PBX1: variants seen among roughly 807,000 people sequenced by gnomAD.
The protein encoded by PBX1 is PBX homeobox 1, also known as pre-B-cell leukemia transcription factor 1.
In PBX1, 6 loss-of-function variants were observed where a neutral mutation model predicts 53.4. The ratio of observed to expected loss-of-function variants is 0.11; its 90% CI spans 0.06 to 0.22. The LOEUF is 0.22. Ranked by LOEUF, PBX1 falls within the 10% of genes least tolerant of loss-of-function variation. The pLI is 1.00. For missense variants in PBX1, 251 were observed against 551.4 expected (o/e 0.46, Z 5.46); for synonymous variants, 204 against 212.3 (o/e 0.96, Z 0.34).
chr1:164,590,632 C>T (rs890871633), intron 2 of PBX1, among the ~76,000 whole-genome samples: 4 of 152,112 alleles, frequency 2.6e-5, no homozygotes, highest in South Asian at 2.1e-4. Context: ...ATATGACTCC[C>T]AAAAGTGTAT....
At chr1:164,579,424 C>G (rs1220571244) in intron 2 of PBX1, among the ~76,000 whole-genome samples, 1 of 152,108 alleles carries the variant, frequency 6.6e-6, no homozygotes, top group African/African-American at 2.4e-5. Flanking sequence ...ATTAGACCAC[C>G]TGTCTCCTTA....
intron 2 of PBX1, among the ~76,000 whole-genome samples, chr1:164,646,972 G>T (rs904899270): frequency 6.6e-6 from 1 of 152,240 alleles, no homozygotes; most frequent in South Asian, 2.1e-4. Flanking sequence ...CCTCGGAAGA[G>T]TGTGGAGATG....
At chr1:164,823,618 G>A (rs552432411) in intron 8 of PBX1, among the ~76,000 whole-genome samples, 3 of 82,490 alleles carry the variant, frequency 3.6e-5, no homozygotes, top group African/African-American at 1.8e-4. Flanking sequence ...TCTGGGGGGT[G>A]GGGGGGGGGG....
chr1:164,744,301 C>T (rs1392927149), intron 2 of PBX1, among the ~76,000 whole-genome samples: 1 of 152,150 alleles, frequency 6.6e-6, no homozygotes, highest in Non-Finnish European at 1.5e-5. Context: ...CTTCTCTGTT[C>T]CATAGTTCCT....
chr1:164,799,253 G>A (rs1032505983), intron 3 of PBX1, among the ~76,000 whole-genome samples: 2 of 152,208 alleles, frequency 1.3e-5, no homozygotes, highest in African/African-American at 4.8e-5. Flanking sequence ...CACTTTGGGA[G>A]GCCGAGGCGG....
intron 2 of PBX1, among the ~76,000 whole-genome samples, chr1:164,651,476 G>C (rs548452054): frequency 6.6e-6 from 1 of 152,166 alleles, no homozygotes; most frequent in Non-Finnish European, 1.5e-5. Flanking sequence ...CTGCAGTGTT[G>C]AGCCTAATGA....
intron 2 of PBX1, among the ~76,000 whole-genome samples, chr1:164,670,194 G>T (rs981604781): frequency 6.6e-6 from 1 of 152,202 alleles, no homozygotes. Context: ...CCCTCAGGGA[G>T]GTCCAGGGGA....
intron 2 of PBX1, chr1:164,605,074 C>T (rs556921029): frequency 6.6e-6 from 1 of 152,100 alleles, no homozygotes; most frequent in Non-Finnish European, 1.5e-5. Flanking sequence ...AGAAATAGGC[C>T]TAGTCCAGGG....
At chr1:164,768,583 G>C (rs1667194841) in intron 2 of PBX1, among the ~76,000 whole-genome samples, 1 of 152,230 alleles carries the variant, frequency 6.6e-6, no homozygotes, top group Non-Finnish European at 1.5e-5. Flanking sequence ...GAAACCCAGT[G>C]GTTCCCGATA....
At chr1:164,690,298 T>C (rs1662390526) in intron 2 of PBX1, among the ~76,000 whole-genome samples, 1 of 151,612 alleles carries the variant, frequency 6.6e-6, no homozygotes, top group Non-Finnish European at 1.5e-5. Context: ...TGTGAAAGGG[T>C]TGGTGGGGAA....
chr1:164,711,559 G>A (rs1295336746), intron 2 of PBX1, among the ~76,000 whole-genome samples: 3 of 152,174 alleles, frequency 2.0e-5, no homozygotes, highest in Non-Finnish European at 2.9e-5. Context: ...CACTGCGCCC[G>A]GCTAGTTTTC....
At chr1:164,722,680 T>G (rs550350522) in intron 2 of PBX1, among the ~76,000 whole-genome samples, 1 of 152,304 alleles carries the variant, frequency 6.6e-6, no homozygotes, top group African/African-American at 2.4e-5. Flanking sequence ...TTTTCTTTGT[T>G]TTGGTCATTT....
At chr1:164,776,949 G>GAC (rs1667692444) in intron 2 of PBX1, among the ~76,000 whole-genome samples, 1 of 88,894 alleles carries the variant, frequency 1.1e-5, no homozygotes, top group Non-Finnish European at 2.3e-5. Context: ...GGAGGAGAGA[G>GAC]AGAGAGAGAG....
At chr1:164,791,381 A>G (rs4657374) in intron 2 of PBX1, among the ~76,000 whole-genome samples, 4 of 151,940 alleles carry the variant, frequency 2.6e-5, no homozygotes, top group East Asian at 1.9e-4. Context: ...CTTCCCTGAA[A>G]CCCTGGAGAC....
rs558055746 is a variant in PBX1 at position 164,778,897 on chromosome 1, A to G, written c.266-13597A>G. Among the ~76,000 whole-genome samples, 16 of 152,284 alleles carry G rather than the reference A, an allele frequency of 1.1e-4. No individual in the cohort carries two copies. In the East Asian group the frequency reaches 2.9e-3, roughly 28 times the overall value. On this transcript the variant is annotated intron_variant, in intron 2 of 8. Transcript: ENST00000420696. The stretch of plus-strand genomic sequence containing the variant: ...AATTGGAGGCAGCTGTGAGGTAGGG[A>G]GAACACCCTGAGTGAAGTCAACTGC...
At chr1:164,567,390 A>G (rs1653510024) in intron 2 of PBX1, among the ~76,000 whole-genome samples, 1 of 152,156 alleles carries the variant, frequency 6.6e-6, no homozygotes, top group Non-Finnish European at 1.5e-5. Flanking sequence ...ATAGCCAGCA[A>G]ATGCAAAAAC....
intron 2 of PBX1, among the ~76,000 whole-genome samples, chr1:164,614,455 G>C (rs183840988): frequency 6.6e-6 from 1 of 151,948 alleles, no homozygotes; most frequent in South Asian, 2.1e-4. Flanking sequence ...TATCTTATTC[G>C]TTTCCTCTTT....
At chr1:164,759,940 C>T (rs1042847768) in intron 2 of PBX1, among the ~76,000 whole-genome samples, 8 of 152,070 alleles carry the variant, frequency 5.3e-5, no homozygotes, top group South Asian at 2.1e-4. Context: ...ACATGGAGCC[C>T]GACTAGATCC....
chr1:164,775,108 A>T (rs1403145869), intron 2 of PBX1, among the ~76,000 whole-genome samples: 1 of 152,110 alleles, frequency 6.6e-6, no homozygotes, highest in African/African-American at 2.4e-5. Flanking sequence ...TTCACCTCTG[A>T]TCTGGGAGGG....
Sources: gnomAD v4.1 joint callset for allele counts (sites outside exome capture counted in the v4.1 genomes callset) on GRCh38, gnomAD v4.1.1 for gene constraint, MANE v1.5 for transcripts, NCBI Gene and HGNC (gene_info 2026-07-23, HGNC 2026-07-21) for gene names.